The following AK8 variants were observed in gnomAD, a reference collection of about 807,000 sequenced individuals.
AK8 encodes ATP-AMP transphosphorylase 8.
A neutral mutation model predicts 54.6 loss-of-function variants in AK8; 44 were observed. The ratio of observed to expected loss-of-function variants is 0.81; its 90% CI spans 0.63 to 1.04. The LOEUF is 1.04. Ranked by LOEUF, AK8 falls within the 50% of genes least tolerant of loss-of-function variation. The pLI, the probability that AK8 is intolerant of heterozygous loss-of-function variation, is 0.00. For synonymous variants in AK8, 239 were observed against 245.6 expected (o/e 0.97, Z 0.25); for missense variants, 555 against 613.6 (o/e 0.90, Z 1.01).
intron 5 of AK8, among the ~76,000 whole-genome samples, chr9:132,844,489 T>G (rs1486294915): frequency 6.6e-6 from 1 of 152,108 alleles, no homozygotes; most frequent in East Asian, 1.9e-4. Context: ...AATATGCATA[T>G]GTGTCATTTT....
At chr9:132,865,353 G>A (rs1409936120) in intron 3 of AK8, among the ~76,000 whole-genome samples, 2 of 152,202 alleles carry the variant, frequency 1.3e-5, no homozygotes, top group South Asian at 2.1e-4. Context: ...TCAGAAGAAA[G>A]CAAGGTGCCA....
intron 11 of AK8, among the ~76,000 whole-genome samples, chr9:132,765,863 AAAGGTCATCC>A (rs1838705465): frequency 6.6e-6 from 1 of 152,230 alleles, no homozygotes; most frequent in Non-Finnish European, 1.5e-5. Context: ...AAAAAGAAAT[AAAGGTCATCC>A]AAATTGGAAA....
intron 10 of AK8, among the ~76,000 whole-genome samples, chr9:132,797,504 C>T (rs1311733805): frequency 6.6e-6 from 1 of 151,986 alleles, no homozygotes; most frequent in Non-Finnish European, 1.5e-5. Context: ...ATCACCCACT[C>T]GTGAATTAAA....
At chr9:132,765,291 T>TAAAAAAAAAAAAAAAA (rs1838673583) in intron 11 of AK8, among the ~76,000 whole-genome samples, 1 of 13,896 alleles carries the variant, frequency 7.2e-5, no homozygotes, top group African/African-American at 2.2e-4. Flanking sequence ...AGACTCCATT[T>TAAAAAAAAAAAAAAAA]CAAAAAAAAA....
intron 8 of AK8, among the ~76,000 whole-genome samples, chr9:132,824,846 G>A (rs1186590031): frequency 1.3e-5 from 2 of 152,182 alleles, no homozygotes; most frequent in East Asian, 3.9e-4. Context: ...CATCATCAAT[G>A]GCATGTACTA....
intron 10 of AK8, among the ~76,000 whole-genome samples, chr9:132,802,211 G>A (rs1435346521): frequency 6.6e-6 from 1 of 152,220 alleles, no homozygotes; most frequent in Non-Finnish European, 1.5e-5. Context: ...CAGGCACGTG[G>A]TGCAGCCCAT....
chr9:132,848,680 C>G (rs1842850382), intron 5 of AK8, among the ~76,000 whole-genome samples: 1 of 152,134 alleles, frequency 6.6e-6, no homozygotes, highest in Non-Finnish European at 1.5e-5. Context: ...AGATGGTGAG[C>G]CCAAGGCAGG....
chr9:132,836,466 G>T (rs866718956), intron 5 of AK8, among the ~76,000 whole-genome samples: 1 of 152,150 alleles, frequency 6.6e-6, no homozygotes. Flanking sequence ...GTTTAAAAAG[G>T]CAAATCTCTG....
chr9:132,750,690 C>T (rs1199315884), intron 11 of AK8, among the ~76,000 whole-genome samples: 2 of 151,974 alleles, frequency 1.3e-5, no homozygotes, highest in East Asian at 1.9e-4. Flanking sequence ...CCCACCAGGG[C>T]GCGAGCTCCC....
chr9:132,748,916 C>T (rs141615118), intron 11 of AK8, among the ~76,000 whole-genome samples: 1,836 of 152,016 alleles, frequency 0.012, 37 homozygotes, highest in Non-Finnish European at 0.019. Flanking sequence ...ACTCTTGACC[C>T]CAGGCTGGAG....
At chr9:132,804,855 G>A (rs1840643632) in intron 10 of AK8, among the ~76,000 whole-genome samples, 1 of 152,132 alleles carries the variant, frequency 6.6e-6, no homozygotes, top group Admixed American at 6.5e-5. Flanking sequence ...GCTGCAGAGG[G>A]TCACTGGGGC....
rs1424940979 is a variant in AK8 at position 132,826,327 on chromosome 9, C to A, written c.757+527G>T. ...ACCTCGCACAGGCTGCCCGCAGTGG[C>A]TCCCGAGCTGCTGTGAACATTGGCC... On this transcript the variant is annotated intron_variant, in intron 8 of 12. Transcript: ENST00000298545. The surrounding 1 kb of genome is among the most constrained non-coding windows in gnomAD (Gnocchi z 4.5). Among the ~76,000 whole-genome samples, 4 of 152,188 alleles carry A rather than the reference C, an allele frequency of 2.6e-5. No homozygotes were observed. In the East Asian group the frequency reaches 7.7e-4, roughly 29 times the overall value.
At chr9:132,785,832 G>A (rs548529970) in intron 11 of AK8, among the ~76,000 whole-genome samples, 7 of 152,314 alleles carry the variant, frequency 4.6e-5, no homozygotes, top group South Asian at 2.1e-4. Context: ...AAGCAAAATA[G>A]TTGAAAGTAA....
At chr9:132,789,369 G>C (rs1839850439) in intron 11 of AK8, among the ~76,000 whole-genome samples, 1 of 151,810 alleles carries the variant, frequency 6.6e-6, no homozygotes, top group African/African-American at 2.4e-5. Flanking sequence ...AGGCTGAGAT[G>C]GGTGGATCAC....
intron 5 of AK8, among the ~76,000 whole-genome samples, chr9:132,830,277 C>T (rs550804163): frequency 3.3e-5 from 5 of 152,302 alleles, no homozygotes; most frequent in African/African-American, 1.2e-4. Flanking sequence ...ATATGCATCT[C>T]GATGCCTATC....
At chr9:132,801,827 T>A (rs115215829) in intron 10 of AK8, among the ~76,000 whole-genome samples, 1 of 152,214 alleles carries the variant, frequency 6.6e-6, no homozygotes, top group African/African-American at 2.4e-5. Context: ...AGTCACAGTA[T>A]CCCATTTTAC....
intron 8 of AK8, among the ~76,000 whole-genome samples, chr9:132,824,143 G>A (rs921452507): frequency 1.1e-4 from 17 of 152,200 alleles, no homozygotes; most frequent in East Asian, 3.9e-4. Context: ...GTCACCTCCC[G>A]CTGGAGCTCA....
chr9:132,869,879 G>A (rs1480737053), intron 2 of AK8, among the ~76,000 whole-genome samples: 2 of 152,124 alleles, frequency 1.3e-5, no homozygotes, highest in African/African-American at 2.4e-5. Context: ...GTGGATCATG[G>A]AGAGAGCGCC....
chr9:132,838,469 G>A (rs1842413107), intron 5 of AK8, among the ~76,000 whole-genome samples: 1 of 152,148 alleles, frequency 6.6e-6, no homozygotes, highest in African/African-American at 2.4e-5. Flanking sequence ...TTGGGGCTGG[G>A]GGCCTGACCT....
Sources: allele counts gnomAD v4.1 joint callset (sites outside exome capture counted in the v4.1 genomes callset), GRCh38; gene constraint gnomAD v4.1.1; non-coding constraint Gnocchi (gnomAD v3.1); transcripts MANE v1.5; gene names NCBI Gene and HGNC (gene_info 2026-07-23, HGNC 2026-07-21).